The following DPP10 variants were observed in gnomAD, a reference collection of about 807,000 sequenced individuals.
DPP10 encodes inactive dipeptidyl peptidase 10.
DPP10 carries 33 observed loss-of-function variants against 120.9 expected under a neutral mutation model. That is an observed-to-expected ratio of 0.27 (90% confidence interval 0.21 to 0.37). The LOEUF (loss-of-function observed/expected upper bound fraction) is 0.37. Among genes scored for constraint, DPP10 ranks in the 10% least tolerant of loss-of-function variants. The pLI, the probability that DPP10 is intolerant of heterozygous loss-of-function variation, is 1.00. For synonymous variants in DPP10, 337 were observed against 326.1 expected, an observed-to-expected ratio of 1.03 and a Z score of -0.36; for missense variants, 816 against 942.8, an observed-to-expected ratio of 0.87 and a Z score of 1.76.
chr2:114,670,203 A>G (rs1209445076), intron 1 of DPP10, among the ~76,000 whole-genome samples: 1 of 152,184 alleles, frequency 6.6e-6, no homozygotes, highest in East Asian at 1.9e-4. Context: ...TCATGCTGCT[A>G]TAAAGACACA....
chr2:114,554,974 C>T (rs926286149), intron 1 of DPP10, among the ~76,000 whole-genome samples: 1 of 152,156 alleles, frequency 6.6e-6, no homozygotes, highest in Admixed American at 6.5e-5. Flanking sequence ...CTGCTGGTCC[C>T]AGCCAGTGAG....
chr2:115,097,147 C>G (rs942802229), intron 1 of DPP10, among the ~76,000 whole-genome samples: 3 of 150,830 alleles, frequency 2.0e-5, no homozygotes, highest in African/African-American at 7.4e-5. Context: ...GCCATGTTAT[C>G]AAGACCCAAG....
intron 5 of DPP10, among the ~76,000 whole-genome samples, chr2:115,528,128 C>T (rs1027620176): frequency 6.6e-6 from 1 of 151,764 alleles, no homozygotes; most frequent in Non-Finnish European, 1.5e-5. Context: ...TTCTGGATCC[C>T]TGAGGAATTG....
intron 1 of DPP10, among the ~76,000 whole-genome samples, chr2:114,510,763 GT>G (rs145178704): frequency 0.04 from 6,040 of 152,238 alleles, 400 homozygotes; most frequent in African/African-American, 0.14. Flanking sequence ...TTTTTCAACT[GT>G]TTGCCTTTAG....
intron 1 of DPP10, among the ~76,000 whole-genome samples, chr2:115,216,447 C>T (rs765956787): frequency 1.6e-4 from 25 of 152,060 alleles, no homozygotes; most frequent in Non-Finnish European, 2.9e-4. Context: ...CGCATATGTA[C>T]GTAAGTGTGT....
intron 1 of DPP10, among the ~76,000 whole-genome samples, chr2:115,068,576 A>G (rs1707116037): frequency 6.6e-6 from 1 of 152,082 alleles, no homozygotes; most frequent in East Asian, 1.9e-4. Context: ...AGTTGATGCA[A>G]TCCCATTTGT....
chr2:114,759,116 C>T (rs951174637), intron 1 of DPP10, among the ~76,000 whole-genome samples: 5 of 152,162 alleles, frequency 3.3e-5, no homozygotes, highest in African/African-American at 1.2e-4. Context: ...GTATTCCAGT[C>T]AATCAAACTT....
intron 3 of DPP10, among the ~76,000 whole-genome samples, chr2:115,482,300 A>C (rs1047914959): frequency 1.1e-4 from 13 of 120,972 alleles, no homozygotes; most frequent in Admixed American, 6.8e-4. Context: ...ATATATATAT[A>C]TCTGCATACA....
chr2:115,447,817 G>A (rs926908485), intron 3 of DPP10, among the ~76,000 whole-genome samples: 4 of 152,112 alleles, frequency 2.6e-5, no homozygotes, highest in African/African-American at 9.7e-5. Context: ...TTTCTTTATG[G>A]CAGTGTGAAA....
At chr2:115,486,703 C>A (rs752457026) in intron 3 of DPP10, among the ~76,000 whole-genome samples, 5 of 152,118 alleles carry the variant, frequency 3.3e-5, no homozygotes, top group African/African-American at 7.2e-5. Flanking sequence ...CTGCAAACAA[C>A]CCTTCTGGTG....
At chr2:114,892,855 C>A (rs1207770853) in intron 1 of DPP10, among the ~76,000 whole-genome samples, 1 of 152,006 alleles carries the variant, frequency 6.6e-6, no homozygotes, top group Admixed American at 6.6e-5. Context: ...GAGTCCTGGA[C>A]CCCCCAAAAA....
chr2:115,292,841 A>T (rs1210885454), intron 1 of DPP10, among the ~76,000 whole-genome samples: 2 of 152,094 alleles, frequency 1.3e-5, no homozygotes, highest in Admixed American at 1.3e-4. Context: ...ACTGCTAAAT[A>T]CCCTTCTGAA....
At chr2:115,741,291 A>T (rs1677236286) in intron 9 of DPP10, among the ~76,000 whole-genome samples, 1 of 152,120 alleles carries the variant, frequency 6.6e-6, no homozygotes, top group South Asian at 2.1e-4. Flanking sequence ...TCTTCTCTGG[A>T]CATAGATTAG....
At position 115,025,417 on chromosome 2, in the gene DPP10, A is replaced by C. The variant is rs2105205502; in HGVS notation, c.61-283822A>C. Among the ~76,000 whole-genome samples, 4 of 152,222 alleles carry C rather than the reference A, an allele frequency of 2.6e-5. No individual in the cohort carries two copies. In the Middle Eastern group the frequency reaches 0.01, roughly 391 times the overall value. Reference sequence around the variant, plus strand: ...CCATTCATCCATTGATGGACACTTAAGTTGATTCCCTTTTTTTGGCTGTTG... The same window carrying C: ...CCATTCATCCATTGATGGACACTTACGTTGATTCCCTTTTTTTGGCTGTTG... On this transcript the variant is annotated intron_variant, in intron 1 of 25. Transcript: ENST00000410059.
chr2:115,522,320 A>G (rs995299758), intron 4 of DPP10, among the ~76,000 whole-genome samples: 13 of 152,126 alleles, frequency 8.5e-5, no homozygotes, highest in Admixed American at 6.6e-5. Context: ...CCAGTGACTA[A>G]CGAGGTTCAT....
intron 5 of DPP10, among the ~76,000 whole-genome samples, chr2:115,643,130 A>T (rs1463591109): frequency 4.0e-5 from 6 of 150,930 alleles, no homozygotes; most frequent in Non-Finnish European, 5.9e-5. Context: ...GACTCTAGAA[A>T]TAAAAAAAAA....
intron 19 of DPP10, among the ~76,000 whole-genome samples, chr2:115,798,824 C>T (rs1237166913): frequency 6.6e-6 from 1 of 152,042 alleles, no homozygotes; most frequent in Non-Finnish European, 1.5e-5. Context: ...AGCACTTGTT[C>T]TTCCTCTTGG....
intron 1 of DPP10, among the ~76,000 whole-genome samples, chr2:114,505,254 G>A (rs962919064): frequency 1.3e-5 from 2 of 149,756 alleles, no homozygotes; most frequent in African/African-American, 5.1e-5. Flanking sequence ...TTAAAGAAAT[G>A]ATAAGACAAA....
At chr2:114,826,558 G>A (rs59685586) in intron 1 of DPP10, among the ~76,000 whole-genome samples, 3,086 of 152,160 alleles carry the variant, frequency 0.02, 97 homozygotes, top group African/African-American at 0.071. Flanking sequence ...TTGAGATGGA[G>A]TCTCCTCTGT....
Sources: gnomAD v4.1 joint callset for allele counts (sites outside exome capture counted in the v4.1 genomes callset) on GRCh38, gnomAD v4.1.1 for gene constraint, MANE v1.5 for transcripts, NCBI Gene and HGNC (gene_info 2026-07-23, HGNC 2026-07-21) for gene names.